The following MTSS1 variants were observed in gnomAD, a reference collection of about 807,000 sequenced individuals.
The protein encoded by MTSS1 is MTSS I-BAR domain containing 1.
Under a neutral mutation model 79.0 loss-of-function variants are expected in MTSS1, and 18 were observed. That is an observed-to-expected ratio of 0.23 (90% confidence interval 0.16 to 0.34). MTSS1 has a LOEUF of 0.34. MTSS1 is among the 10% of genes least tolerant of loss of function. MTSS1 has a pLI of 1.00. For synonymous variants in MTSS1, 341 were observed against 368.6 expected (o/e 0.93, Z 0.86); for missense variants, 815 against 986.2 (o/e 0.83, Z 2.33).
intron 3 of MTSS1, among the ~76,000 whole-genome samples, chr8:124,615,778 G>C (rs936063369): frequency 6.6e-6 from 1 of 152,020 alleles, no homozygotes; most frequent in Non-Finnish European, 1.5e-5. Flanking sequence ...TCTATTCTGG[G>C]GATGATTCTG....
At position 124,698,327 on chromosome 8, in the gene MTSS1, T is replaced by C. The variant is rs111745550; in HGVS notation, c.208+1199A>G. On this transcript the variant is annotated intron_variant, in intron 3 of 13. Coordinates refer to ENST00000518547, the MANE Select transcript of MTSS1 (RefSeq NM_014751.6). ...TTGCCCTACAACCCAAATTTTCCAA[T>C]GTCACCACGACAATGAAAAGAACAG... Among the ~76,000 whole-genome samples, 1,283 of 152,064 alleles carry C rather than the reference T, an allele frequency of 8.4e-3. 19 individuals are homozygous for C. Among genetic ancestry groups the C allele is most frequent in the African/African-American group, 0.028 (1,176 of 41,448 alleles).
At chr8:124,703,375 C>T (rs527318244) in intron 2 of MTSS1, among the ~76,000 whole-genome samples, 17 of 152,340 alleles carry the variant, frequency 1.1e-4, no homozygotes, top group Non-Finnish European at 2.1e-4. Context: ...TCACTGCAAC[C>T]TCTACCTCCT....
At chr8:124,703,385 T>C (rs929114787) in intron 2 of MTSS1, among the ~76,000 whole-genome samples, 2 of 152,224 alleles carry the variant, frequency 1.3e-5, no homozygotes, top group African/African-American at 4.8e-5. Context: ...CTCTACCTCC[T>C]GTATTCAAGC....
intron 3 of MTSS1, among the ~76,000 whole-genome samples, chr8:124,652,155 T>G (rs1820076075): frequency 2.6e-5 from 4 of 152,194 alleles, no homozygotes; most frequent in Admixed American, 1.3e-4. Flanking sequence ...TATTCCAACT[T>G]CTTAGCCAGT....
At chr8:124,567,555 C>G (rs898964470) in intron 7 of MTSS1, 12 of 1,292,866 alleles carry the variant, frequency 9.3e-6, no homozygotes, top group African/African-American at 1.5e-5. Context: ...ATGGATGACA[C>G]GACTTGGATA....
chr8:124,720,244 C>G (rs1832713902), intron 1 of MTSS1, among the ~76,000 whole-genome samples: 1 of 152,206 alleles, frequency 6.6e-6, no homozygotes, highest in African/African-American at 2.4e-5. Flanking sequence ...TTAGGGAGCA[C>G]TGGACACATA....
At position 124,719,458 on chromosome 8, in the gene MTSS1, A is replaced by C. The variant is rs114464218; in HGVS notation, c.72+8426T>G. On this transcript the variant is annotated intron_variant, in intron 1 of 13. Coordinates refer to ENST00000518547, the MANE Select transcript of MTSS1 (RefSeq NM_014751.6). ...GAGGCCCTCCCCAGAGCCCCCACAC[A>C]ATCTTGGGCTGATCTCTATGGTGGT... is the stretch of plus-strand genomic sequence containing the variant. Among the ~76,000 whole-genome samples, 832 of 152,186 alleles carry C rather than the reference A, an allele frequency of 5.5e-3. 7 individuals are homozygous for C. Among genetic ancestry groups the C allele is most frequent in the African/African-American group, 0.016 (648 of 41,510 alleles).
At chr8:124,705,948 C>T in intron 1 of MTSS1, among the ~76,000 whole-genome samples, 3 of 152,134 alleles carry the variant, frequency 2.0e-5, no homozygotes, top group Middle Eastern at 6.8e-3. Context: ...CCCTAGGGGA[C>T]AAAAATCACG....
At chr8:124,716,976 C>G (rs1832099397) in intron 1 of MTSS1, among the ~76,000 whole-genome samples, 1 of 148,960 alleles carries the variant, frequency 6.7e-6, no homozygotes, top group Admixed American at 6.7e-5. Flanking sequence ...CAAGGATGTA[C>G]TTGTTGTAGG....
Position 124,565,625 on chromosome 8 carries a change from C to T in MTSS1, c.824+37G>A, listed in dbSNP as rs201490544. On this transcript the variant is annotated intron_variant, in intron 9 of 13. Transcript: ENST00000518547. ...CACATTAGCATAAAGAAAAATGACC[C>T]GTCCTGAAAGCAAGAGTGGACCCCG... is the stretch of plus-strand genomic sequence containing the variant. 1.5e-3 allele frequency: 2,400 copies of T among 1,560,504 alleles called. 30 individuals are homozygous for T. The South Asian group carries it at 0.016, about 10-fold the overall frequency.
At chr8:124,586,848 T>C (rs114425144) in intron 5 of MTSS1, among the ~76,000 whole-genome samples, 125 of 152,236 alleles carry the variant, frequency 8.2e-4, no homozygotes, top group African/African-American at 2.7e-3. Context: ...TGCTTCTCTG[T>C]ATGCAGTGGG....
At chr8:124,651,619 C>G (rs980408668) in intron 3 of MTSS1, among the ~76,000 whole-genome samples, 1 of 152,152 alleles carries the variant, frequency 6.6e-6, no homozygotes, top group Non-Finnish European at 1.5e-5. Context: ...TATGTGAAAG[C>G]ATTTGCAAGA....
intron 3 of MTSS1, among the ~76,000 whole-genome samples, chr8:124,602,384 G>C (rs1834094787): frequency 1.3e-5 from 2 of 151,740 alleles, no homozygotes; most frequent in African/African-American, 4.9e-5. Context: ...ATTTTTAGTA[G>C]AGATGGGGTT....
At chr8:124,677,397 G>A (rs1825484440) in intron 3 of MTSS1, among the ~76,000 whole-genome samples, 1 of 152,222 alleles carries the variant, frequency 6.6e-6, no homozygotes, top group African/African-American at 2.4e-5. Context: ...GGTCTCTGCT[G>A]TGACTACTCA....
At chr8:124,592,919 G>A (rs149064342) in intron 3 of MTSS1, among the ~76,000 whole-genome samples, 3 of 152,198 alleles carry the variant, frequency 2.0e-5, no homozygotes, top group African/African-American at 7.2e-5. Context: ...TGTCTCCAGA[G>A]AGTACCAAGT....
chr8:124,655,476 C>T (rs565508639), intron 3 of MTSS1, among the ~76,000 whole-genome samples: 1 of 152,302 alleles, frequency 6.6e-6, no homozygotes, highest in East Asian at 1.9e-4. Context: ...GCCACAGTGG[C>T]CTCCACACAG....
At chr8:124,568,848 A>G in intron 6 of MTSS1, 1 of 1,435,290 alleles carries the variant, frequency 7.0e-7, no homozygotes, top group Admixed American at 2.9e-5. Flanking sequence ...CAACCCTGGA[A>G]CACAGAGCCA....
At chr8:124,645,588 G>C (rs1818865210) in intron 3 of MTSS1, among the ~76,000 whole-genome samples, 2 of 152,066 alleles carry the variant, frequency 1.3e-5, no homozygotes, top group Non-Finnish European at 2.9e-5. Context: ...GGTATCACAA[G>C]CTTAAAGCAC....
chr8:124,646,301 G>A (rs563121673), intron 3 of MTSS1, among the ~76,000 whole-genome samples: 19 of 152,186 alleles, frequency 1.2e-4, no homozygotes, highest in Middle Eastern at 3.4e-3. Context: ...CTTCACAATC[G>A]GGAGAACATG....
Sources: gnomAD v4.1 joint callset for allele counts (sites outside exome capture counted in the v4.1 genomes callset) on GRCh38, gnomAD v4.1.1 for gene constraint, MANE v1.5 for transcripts, NCBI Gene and HGNC (gene_info 2026-07-23, HGNC 2026-07-21) for gene names.